The following LEMD1 variants were observed in gnomAD, a reference collection of about 807,000 sequenced individuals.
LEMD1 encodes LEM domain containing 1.
A neutral mutation model predicts 17.4 loss-of-function variants in LEMD1; 18 were observed. That is an observed-to-expected ratio of 1.04 (90% CI 0.72 to 1.54). The LOEUF (loss-of-function observed/expected upper bound fraction) is 1.54, where lower values mean the gene tolerates loss of function less well. Ranked by LOEUF, LEMD1 falls within the 40% of genes most tolerant of loss-of-function variation. LEMD1 has a pLI of 0.00. For missense variants in LEMD1, 195 were observed against 210.4 expected, an observed-to-expected ratio of 0.93 and a Z score of 0.45; for synonymous variants, 88 against 77.8, an observed-to-expected ratio of 1.13 and a Z score of -0.69.
chr1:205,382,938 C>T (rs1366491226), intron 5 of LEMD1, among the ~76,000 whole-genome samples: 1 of 152,162 alleles, frequency 6.6e-6, no homozygotes, highest in African/African-American at 2.4e-5. Flanking sequence ...GAAGTTTATT[C>T]AGAAGTTAGG....
At chr1:205,411,653 GGAAA>G (rs71147742) in intron 4 of LEMD1, among the ~76,000 whole-genome samples, 22 of 138,660 alleles carry the variant, frequency 1.6e-4, no homozygotes, top group East Asian at 4.3e-4. Flanking sequence ...GAGAAAGAAA[GGAAA>G]GAAAGAAAGA....
chr1:205,402,235 T>C (rs1476444242), intron 4 of LEMD1, among the ~76,000 whole-genome samples: 2 of 152,218 alleles, frequency 1.3e-5, no homozygotes, highest in Non-Finnish European at 2.9e-5. Context: ...TCCAATTCTG[T>C]GAAGAAAGTC....
At chr1:205,392,008 G>T (rs2102357684) in intron 4 of LEMD1, among the ~76,000 whole-genome samples, 1 of 151,724 alleles carries the variant, frequency 6.6e-6, no homozygotes, top group South Asian at 2.1e-4. Flanking sequence ...CTACTCAGGA[G>T]GCTGGGGCAG....
intron 4 of LEMD1, among the ~76,000 whole-genome samples, chr1:205,406,334 C>T (rs1665102376): frequency 6.6e-6 from 1 of 152,260 alleles, no homozygotes; most frequent in Non-Finnish European, 1.5e-5. Flanking sequence ...GCAGGCAGGC[C>T]TCCTTGAGCT....
chr1:205,404,700 C>A (rs991204238), intron 4 of LEMD1, among the ~76,000 whole-genome samples: 1 of 152,028 alleles, frequency 6.6e-6, no homozygotes, highest in South Asian at 2.1e-4. Flanking sequence ...AGTCCATTTA[C>A]ATTTAAAGTT....
At chr1:205,385,404 T>C (rs1249081167) in intron 4 of LEMD1, 2 of 152,206 alleles carry the variant, frequency 1.3e-5, no homozygotes, top group African/African-American at 2.4e-5. Flanking sequence ...GGTTTTGTCA[T>C]GTTGGCTAGG....
chr1:205,397,079 A>T (rs1664623953), intron 4 of LEMD1, among the ~76,000 whole-genome samples: 1 of 152,176 alleles, frequency 6.6e-6, no homozygotes. Flanking sequence ...TTGTGATTGG[A>T]AGGTTCACCA....
At chr1:205,429,198 C>G (rs1332036603) in intron 1 of LEMD1, among the ~76,000 whole-genome samples, 1 of 152,250 alleles carries the variant, frequency 6.6e-6, no homozygotes, top group Non-Finnish European at 1.5e-5. Context: ...AAGGACACTT[C>G]TGGTCCAGTT....
chr1:205,389,197 T>C (rs1339844415), intron 4 of LEMD1, among the ~76,000 whole-genome samples: 1 of 151,800 alleles, frequency 6.6e-6, no homozygotes. Flanking sequence ...TACAGGTGCA[T>C]GCCACCATGC....
intron 5 of LEMD1, chr1:205,382,199 G>C (rs921863974): frequency 9.0e-6 from 2 of 222,900 alleles, no homozygotes; most frequent in Non-Finnish European, 1.8e-5. Flanking sequence ...GGCCAGGTGT[G>C]GTGGTTCACA....
At chr1:205,429,614 G>A (rs1419909969) in intron 1 of LEMD1, among the ~76,000 whole-genome samples, 1 of 152,112 alleles carries the variant, frequency 6.6e-6, no homozygotes, top group Non-Finnish European at 1.5e-5. Flanking sequence ...GCCGGGGTTG[G>A]GGGAGGAAGA....
chr1:205,429,628 C>T (rs983549635), intron 1 of LEMD1, among the ~76,000 whole-genome samples: 1 of 152,022 alleles, frequency 6.6e-6, no homozygotes, highest in African/African-American at 2.4e-5. Context: ...AGGAAGAGAC[C>T]CCCAAATGCA....
intron 1 of LEMD1, among the ~76,000 whole-genome samples, chr1:205,431,101 G>A (rs1666120224): frequency 6.6e-6 from 1 of 152,120 alleles, no homozygotes; most frequent in Non-Finnish European, 1.5e-5. Context: ...CACTGCACAG[G>A]TCACACGCCT....
intron 4 of LEMD1, among the ~76,000 whole-genome samples, chr1:205,411,286 G>A (rs527319730): frequency 2.7e-5 from 4 of 150,274 alleles, no homozygotes; most frequent in Non-Finnish European, 5.9e-5. Context: ...AGAAAGAGAG[G>A]GCCAGGCGCA....
chr1:205,397,225 AG>A (rs1248156881), intron 4 of LEMD1, among the ~76,000 whole-genome samples: 2 of 152,158 alleles, frequency 1.3e-5, no homozygotes, highest in Non-Finnish European at 2.9e-5. Context: ...TTCATCACTC[AG>A]GTGCCTGGTC....
intron 1 of LEMD1, chr1:205,440,917 G>A (rs1464244844): frequency 1.3e-5 from 2 of 152,296 alleles, no homozygotes; most frequent in African/African-American, 4.8e-5. Flanking sequence ...GAGGGGCCCT[G>A]GTTCTGATCA....
intron 4 of LEMD1, among the ~76,000 whole-genome samples, chr1:205,389,037 C>CTTTTTTTTT (rs61341380): frequency 5.4e-4 from 42 of 77,844 alleles, no homozygotes; most frequent in Non-Finnish European, 6.4e-4. Context: ...CATTTGCTTT[C>CTTTTTTTTT]TTTTTTTTTT....
chr1:205,434,936 A>G (rs541755111), intron 1 of LEMD1: 52 of 152,362 alleles, frequency 3.4e-4, no homozygotes, highest in African/African-American at 1.2e-3. Context: ...GTTTGCCGGC[A>G]TGCTTTTCAG....
At chr1:205,433,394 T>C (rs1283041582) in intron 1 of LEMD1, among the ~76,000 whole-genome samples, 3 of 150,650 alleles carry the variant, frequency 2.0e-5, no homozygotes, top group African/African-American at 7.3e-5. Context: ...CAGGCAGAGG[T>C]TGTAGTGAGC....
Sources: gnomAD v4.1 joint callset for allele counts (sites outside exome capture counted in the v4.1 genomes callset) on GRCh38, gnomAD v4.1.1 for gene constraint, MANE v1.5 for transcripts, NCBI Gene and HGNC (gene_info 2026-07-23, HGNC 2026-07-21) for gene names.